CHD7: variants seen among roughly 807,000 people sequenced by gnomAD.
CHD7 encodes ATP-dependent chromatin remodeler CHD7.
CHD7 carries 24 observed loss-of-function variants against 307.3 expected under a neutral mutation model. That is an observed-to-expected ratio of 0.08 (90% CI 0.06 to 0.11). CHD7 has a LOEUF of 0.11. Among genes scored for constraint, CHD7 ranks in the 10% least tolerant of loss-of-function variants. The pLI is 1.00. For synonymous variants in CHD7, 1,363 were observed against 1,349.9 expected, an observed-to-expected ratio of 1.01 and a Z score of -0.21; for missense variants, 3,106 against 3,727.1, an observed-to-expected ratio of 0.83 and a Z score of 4.34.
At chr8:60,820,904 T>C (rs886365614) in intron 9 of CHD7, among the ~76,000 whole-genome samples, 21 of 152,330 alleles carry the variant, frequency 1.4e-4, no homozygotes, top group African/African-American at 5.1e-4. Context: ...CATATTTACA[T>C]TGTACAGGAA....
chr8:60,779,043 A>G (rs935773091), intron 2 of CHD7, among the ~76,000 whole-genome samples: 4 of 152,150 alleles, frequency 2.6e-5, no homozygotes, highest in African/African-American at 9.7e-5. Context: ...TGTGTTTCCT[A>G]TATATCGTTA....
chr8:60,835,747 A>G (rs1429139158), intron 15 of CHD7, among the ~76,000 whole-genome samples: 1 of 152,210 alleles, frequency 6.6e-6, no homozygotes, highest in Admixed American at 6.5e-5. Flanking sequence ...TTCTGTAGGT[A>G]TCTGGCCCTT....
At chr8:60,755,339 G>A (rs1483208) in intron 2 of CHD7, among the ~76,000 whole-genome samples, 79,080 of 151,968 alleles carry the variant, frequency 0.52, 24,895 homozygotes, top group East Asian at 0.78. Flanking sequence ...GGGCAGCACT[G>A]TAACACCATT....
At chr8:60,850,704 A>G (rs1351104164) in intron 26 of CHD7, 82 bp downstream of exon 26, 2 of 1,377,830 alleles carry the variant, frequency 1.5e-6, no homozygotes, top group Non-Finnish European at 2.0e-6. Flanking sequence ...ACCCTGCAGT[A>G]CACACTGTAT....
In CHD7 at chr8:60,742,048, C is replaced by A. The variant is rs368047432; in HGVS notation, c.616C>A (p.Pro206Thr). Residue 206 changes from proline to threonine, a missense_variant, in exon 2 of 38, where the codon CCA (proline) becomes ACA (threonine). By Grantham distance (38) the Pro-to-Thr change is conservative (BLOSUM62 -1). Transcript: ENST00000423902. ...GDFSMQQHGQPQQRMSQFSQG... is the reference protein window; with the variant it reads ...GDFSMQQHGQTQQRMSQFSQG... Reference sequence around the variant, plus strand: ...TTTTTCCATGCAGCAGCATGGTCAGCCACAGCAGAGGATGAGCCAGTTTTC... The same window carrying A: ...TTTTTCCATGCAGCAGCATGGTCAGACACAGCAGAGGATGAGCCAGTTTTC... 2 of 1,613,752 alleles carry A rather than the reference C, an allele frequency of 1.2e-6. No individual in the cohort carries two copies. Among genetic ancestry groups the A allele is most frequent in the African/African-American group, 2.7e-5 (2 of 74,914 alleles).
intron 2 of CHD7, among the ~76,000 whole-genome samples, chr8:60,745,704 G>A (rs1374630329): frequency 6.6e-6 from 1 of 152,186 alleles, no homozygotes; most frequent in African/African-American, 2.4e-5. Flanking sequence ...CATAAGGCTA[G>A]GGAGGTGTGA....
intron 1 of CHD7, among the ~76,000 whole-genome samples, chr8:60,724,525 G>A (rs1468539762): frequency 3.3e-5 from 5 of 152,136 alleles, no homozygotes; most frequent in African/African-American, 1.2e-4. Flanking sequence ...TGGAGGTGAT[G>A]GAATGCAAAT....
At chr8:60,725,627 A>G (rs1362369959) in intron 1 of CHD7, among the ~76,000 whole-genome samples, 2 of 152,244 alleles carry the variant, frequency 1.3e-5, no homozygotes, top group Admixed American at 6.5e-5. Flanking sequence ...TCTGCATTAT[A>G]GGATGCCCTT....
chr8:60,850,473 C>A lies in CHD7; in HGVS notation c.5405-20C>A. The A allele has an allele frequency of 6.3e-7, 1 of 1,592,442 alleles. No individual in the cohort carries two copies. Among genetic ancestry groups the A allele is most frequent in the Non-Finnish European group, 8.6e-7 (1 of 1,162,422 alleles). ...TCTTTGTTTCTGTGTGTTTTCTGTG[C>A]ACGGATGGGCACGGCACAGGCTATG... On this transcript the variant is annotated intron_variant, in intron 25 of 37. Coordinates refer to ENST00000423902, the MANE Select transcript of CHD7 (RefSeq NM_017780.4).
intron 2 of CHD7, among the ~76,000 whole-genome samples, chr8:60,776,216 A>C (rs1810944221): frequency 6.6e-6 from 1 of 152,222 alleles, no homozygotes; most frequent in African/African-American, 2.4e-5. Context: ...GAATGAGCTG[A>C]ATAAAACTAA....
At position 60,715,326 on chromosome 8, in the gene CHD7, C is replaced by CTT. The variant is rs11376102; in HGVS notation, c.-174-25915_-174-25914dup. Among the ~76,000 whole-genome samples the CTT allele has an allele frequency of 8.9e-3, 1,119 of 125,842 alleles. 24 individuals carry two copies. Among genetic ancestry groups the CTT allele is most frequent in the African/African-American group, 0.032 (1,029 of 32,344 alleles). 82.6% of individuals were successfully genotyped at this position (125,842 alleles called of 152,430 possible). A position where few individuals can be genotyped will look rare whatever the true frequency, so the allele number is the denominator to read the frequency against. On this transcript the variant is annotated intron_variant, in intron 1 of 37. Transcript: ENST00000423902. ...CTTTCCAGCACACAGAGGGCTCTGC[C>CTT]TTTTTTTTTTTTTTTTTTTGGGAGT...
intron 25 of CHD7, among the ~76,000 whole-genome samples, 153 bp downstream of exon 25, chr8:60,849,307 A>G (rs1393019608): frequency 6.6e-6 from 1 of 152,226 alleles, no homozygotes; most frequent in African/African-American, 2.4e-5. Flanking sequence ...AAAATCTAAT[A>G]TGAACTGTAA....
intron 1 of CHD7, among the ~76,000 whole-genome samples, chr8:60,693,449 G>A (rs2150492874): frequency 6.6e-6 from 1 of 152,342 alleles, no homozygotes; most frequent in Middle Eastern, 3.4e-3. Flanking sequence ...CTCTGGCAGG[G>A]CTTGTGGGGT....
At chr8:60,813,908 G>A (rs948314026) in intron 7 of CHD7, among the ~76,000 whole-genome samples, 2 of 151,690 alleles carry the variant, frequency 1.3e-5, no homozygotes, top group African/African-American at 4.8e-5. Context: ...TTTTTTAACT[G>A]TCAAGATTAG....
intron 1 of CHD7, among the ~76,000 whole-genome samples, chr8:60,714,512 A>C (rs958140379): frequency 4.0e-5 from 6 of 150,236 alleles, no homozygotes; most frequent in African/African-American, 1.5e-4. Flanking sequence ...GCCCGTGCGC[A>C]CCGCTGTAGG....
chr8:60,753,984 G>C (rs1442899743), intron 2 of CHD7, among the ~76,000 whole-genome samples: 1 of 152,172 alleles, frequency 6.6e-6, no homozygotes, highest in East Asian at 1.9e-4. Context: ...TTAGATGCTA[G>C]AGTGGTATTT....
At chr8:60,813,690 T>A (rs903984895) in intron 7 of CHD7, among the ~76,000 whole-genome samples, 3 of 152,090 alleles carry the variant, frequency 2.0e-5, no homozygotes, top group Admixed American at 1.3e-4. Flanking sequence ...ATATTGTGTA[T>A]TTTTAGTGAA....
At chr8:60,761,509 A>G (rs180776054) in intron 2 of CHD7, among the ~76,000 whole-genome samples, 2 of 152,190 alleles carry the variant, frequency 1.3e-5, no homozygotes, top group Admixed American at 1.3e-4. Flanking sequence ...TAAAAAAAAT[A>G]TATTCCCAGT....
chr8:60,746,913 T>C (rs1388469897), intron 2 of CHD7, among the ~76,000 whole-genome samples: 1 of 152,242 alleles, frequency 6.6e-6, no homozygotes, highest in African/African-American at 2.4e-5. Context: ...TCTTTTTCAA[T>C]AGCTAATTAG....
Sources: gnomAD v4.1 joint callset for allele counts (sites outside exome capture counted in the v4.1 genomes callset) on GRCh38, gnomAD v4.1.1 for gene constraint, MANE v1.5 for transcripts, NCBI Gene and HGNC (gene_info 2026-07-23, HGNC 2026-07-21) for gene names.